The following RABEP1 variants were observed in gnomAD, a reference collection of about 807,000 sequenced individuals.
RABEP1 encodes rab GTPase-binding effector protein 1.
In RABEP1, 51 loss-of-function variants were observed where a neutral mutation model predicts 123.4. The ratio of observed to expected loss-of-function variants is 0.41; its 90% confidence interval spans 0.33 to 0.52. The LOEUF (loss-of-function observed/expected upper bound fraction) is 0.52. Ranked by LOEUF, RABEP1 falls within the 20% of genes least tolerant of loss-of-function variation. RABEP1 has a pLI of 0.16. For synonymous variants in RABEP1, 347 were observed against 355.2 expected (o/e 0.98, Z 0.26); for missense variants, 888 against 996.3 (o/e 0.89, Z 1.46).
intron 2 of RABEP1, among the ~76,000 whole-genome samples, chr17:5,315,050 C>G (rs1399927798): frequency 6.6e-6 from 1 of 152,188 alleles, no homozygotes; most frequent in Non-Finnish European, 1.5e-5. Flanking sequence ...CCAGAGGACA[C>G]TGAAATTTTC....
chr17:5,380,521 T>G, intron 16 of RABEP1, 59 bp downstream of exon 16: 1 of 1,334,658 alleles, frequency 7.5e-7, no homozygotes, highest in Non-Finnish European at 1.0e-6. Context: ...CAGGATCACA[T>G]CTTGCTTGTT....
chr17:5,335,123 T>C (rs1353064022), intron 3 of RABEP1, 61 bp from the exon 4 acceptor site: 1 of 1,411,000 alleles, frequency 7.1e-7, no homozygotes, highest in Admixed American at 2.3e-5. Context: ...AAAAATTTAG[T>C]GTGCCAGGTT....
At position 5,378,171 on chromosome 17, in the gene RABEP1, T is replaced by C; in HGVS notation, c.2216-6T>C. On this transcript the variant is annotated splice_polypyrimidine_tract_variant and splice_region_variant and intron_variant, in intron 14 of 17. Transcript: ENST00000537505. ...ATGCTAATACATCTCATTTTTTTCC[T>C]TCTAGCTTCTATTTCTAGCCTAAAA... 1 of 1,572,476 alleles carries C rather than the reference T, an allele frequency of 6.4e-7. No homozygotes were observed. Among genetic ancestry groups the C allele is most frequent in the Non-Finnish European group, 8.7e-7 (1 of 1,144,518 alleles).
intron 1 of RABEP1, among the ~76,000 whole-genome samples, chr17:5,287,931 C>T (rs2074995650): frequency 6.6e-6 from 1 of 151,842 alleles, no homozygotes; most frequent in South Asian, 2.1e-4. Flanking sequence ...ATCACTCTGA[C>T]TGCTGGATTG....
chr17:5,298,149 T>C (rs1423792814), intron 1 of RABEP1, among the ~76,000 whole-genome samples: 3 of 152,214 alleles, frequency 2.0e-5, no homozygotes, highest in Non-Finnish European at 4.4e-5. Context: ...AAATAAAATA[T>C]AACCCTGTGT....
At chr17:5,305,999 C>T (rs548718458) in intron 1 of RABEP1, among the ~76,000 whole-genome samples, 1 of 152,160 alleles carries the variant, frequency 6.6e-6, no homozygotes, top group Non-Finnish European at 1.5e-5. Flanking sequence ...TGCACTTACA[C>T]TATTAAATCT....
chr17:5,283,867 T>A (rs1046828803), intron 1 of RABEP1: 1 of 152,290 alleles, frequency 6.6e-6, no homozygotes, highest in African/African-American at 2.4e-5. Flanking sequence ...GAACCTGCTT[T>A]GCTGTTTCTG....
At chr17:5,309,378 G>A (rs186125765) in intron 2 of RABEP1, among the ~76,000 whole-genome samples, 21 of 152,226 alleles carry the variant, frequency 1.4e-4, no homozygotes, top group African/African-American at 4.6e-4. Context: ...GGCTGGGCGC[G>A]GTGGCTCACA....
Position 5,354,480 on chromosome 17 carries a change from C to A in RABEP1, c.1085C>A (p.Ser362Ter). The change falls in exon 8 of 18, where the codon TCA (serine) becomes TAA (stop). Residue 362 changes from serine (S) to a stop codon, truncating the protein, a stop_gained. Coordinates refer to ENST00000537505, the MANE Select transcript of RABEP1 (RefSeq NM_004703.6). LOFTEE classifies it high-confidence loss of function. ...CAAGAAGAATCTTCAGCCCAGTTAT[C>A]AAATGAAGAGGTATAGTGAGTCTAT... ...LTQEESSAQL[S>*]NEEEHLDSTR... The A allele has an allele frequency of 6.2e-7, 1 of 1,610,348 alleles. No individual in the cohort carries two copies.
intron 2 of RABEP1, among the ~76,000 whole-genome samples, chr17:5,327,177 G>A (rs73337268): frequency 0.015 from 2,247 of 152,166 alleles, 53 homozygotes; most frequent in African/African-American, 0.051. Flanking sequence ...GCGACACTCC[G>A]TCTTTACCCA....
At chr17:5,341,940 G>A (rs1004170959) in intron 5 of RABEP1, among the ~76,000 whole-genome samples, 6 of 152,188 alleles carry the variant, frequency 3.9e-5, no homozygotes, top group Non-Finnish European at 8.8e-5. Flanking sequence ...ATATTTAGCA[G>A]CCTTACCATT....
intron 11 of RABEP1, among the ~76,000 whole-genome samples, chr17:5,366,017 A>G (rs1339685408): frequency 2.0e-5 from 3 of 152,186 alleles, no homozygotes; most frequent in Admixed American, 6.5e-5. Context: ...TCTGCAGGAT[A>G]TGTAACTAGG....
At chr17:5,359,314 T>A (rs1909302979) in intron 8 of RABEP1, among the ~76,000 whole-genome samples, 2 of 152,170 alleles carry the variant, frequency 1.3e-5, no homozygotes, top group Admixed American at 6.5e-5. Flanking sequence ...GACCTTGTGA[T>A]CTGCCCGCCT....
At chr17:5,330,515 G>A (rs965549961) in intron 2 of RABEP1, among the ~76,000 whole-genome samples, 1 of 152,142 alleles carries the variant, frequency 6.6e-6, no homozygotes, top group African/African-American at 2.4e-5. Flanking sequence ...ATGCAAGAAA[G>A]TATTGCCACT....
At chr17:5,350,953 A>G (rs997030789) in intron 7 of RABEP1, among the ~76,000 whole-genome samples, 2 of 152,244 alleles carry the variant, frequency 1.3e-5, no homozygotes, top group African/African-American at 4.8e-5. Flanking sequence ...AAGCTTGTCC[A>G]ACCTGCAGCT....
intron 5 of RABEP1, among the ~76,000 whole-genome samples, chr17:5,340,944 G>A (rs1343758181): frequency 7.3e-4 from 66 of 90,330 alleles, no homozygotes; most frequent in African/African-American, 2.8e-3. Flanking sequence ...GCAAAACTCC[G>A]TCTCAAAAAA....
intron 14 of RABEP1, 141 bp from the exon 15 acceptor site, chr17:5,378,036 G>C: frequency 1.6e-6 from 1 of 618,628 alleles, no homozygotes; most frequent in South Asian, 2.1e-5. Flanking sequence ...TGATTGCTTG[G>C]TGGTAATTTT....
chr17:5,313,547 A>G (rs1287992401), intron 2 of RABEP1, among the ~76,000 whole-genome samples: 1 of 152,252 alleles, frequency 6.6e-6, no homozygotes. Context: ...GAAAATGACT[A>G]AGAACCTCCC....
intron 2 of RABEP1, among the ~76,000 whole-genome samples, chr17:5,325,990 G>A (rs1161032200): frequency 2.0e-5 from 3 of 152,202 alleles, no homozygotes; most frequent in East Asian, 1.9e-4. Flanking sequence ...AAATACTGCC[G>A]ATACCAAAAA....
Sources: gnomAD v4.1 joint callset for allele counts (sites outside exome capture counted in the v4.1 genomes callset) on GRCh38, gnomAD v4.1.1 for gene constraint, MANE v1.5 for transcripts, NCBI Gene and HGNC (gene_info 2026-07-23, HGNC 2026-07-21) for gene names.